The following GLIS3 variants were observed in gnomAD, a reference collection of about 807,000 sequenced individuals.
GLIS3 encodes the protein zinc finger protein GLIS3.
In GLIS3, 53 loss-of-function variants were observed where a neutral mutation model predicts 78.6. That is an observed-to-expected ratio of 0.67 (90% CI 0.54 to 0.85). The LOEUF (loss-of-function observed/expected upper bound fraction) is 0.85, where lower values mean the gene tolerates loss of function less well. Among genes scored for constraint, GLIS3 ranks in the 40% least tolerant of loss-of-function variants. GLIS3 has a pLI of 0.00. For synonymous variants in GLIS3, 684 were observed against 509.9 expected (o/e 1.34, Z -4.60); for missense variants, 1,703 against 1,231.1 (o/e 1.38, Z -5.74).
At chr9:4,448,416 C>T in the GLIS3 span, among the ~76,000 whole-genome samples, 3 of 152,200 alleles carry the variant, frequency 2.0e-5, no homozygotes, top group Admixed American at 1.3e-4. Context: ...TCCAGTATCT[C>T]CTGATGGCAG....
At chr9:4,040,408 C>G (rs1372202346) in intron 4 of GLIS3, among the ~76,000 whole-genome samples, 1 of 152,094 alleles carries the variant, frequency 6.6e-6, no homozygotes, top group East Asian at 1.9e-4. Context: ...TAAATTAACT[C>G]CCAAAGTCTC....
chr9:4,211,106 T>C (rs765120145), intron 2 of GLIS3, among the ~76,000 whole-genome samples: 2 of 152,198 alleles, frequency 1.3e-5, no homozygotes, highest in Non-Finnish European at 2.9e-5. Context: ...ATCTGCACCA[T>C]CCACACTCCA....
intron 2 of GLIS3, among the ~76,000 whole-genome samples, chr9:4,196,838 C>G (rs1352764670): frequency 6.6e-6 from 1 of 152,200 alleles, no homozygotes; most frequent in Non-Finnish European, 1.5e-5. Flanking sequence ...GATGTGCAAC[C>G]AAGTCCAGCT....
intron 8 of GLIS3, among the ~76,000 whole-genome samples, chr9:3,856,551 G>T (rs1819804518): frequency 6.6e-6 from 1 of 152,082 alleles, no homozygotes; most frequent in African/African-American, 2.4e-5. Context: ...GCATTTAAGG[G>T]GAAATTTGAT....
intron 2 of GLIS3, among the ~76,000 whole-genome samples, chr9:4,169,846 T>C (rs895617798): frequency 6.6e-6 from 1 of 152,148 alleles, no homozygotes; most frequent in Non-Finnish European, 1.5e-5. Flanking sequence ...GTTTTTTTTG[T>C]TGTCTGAAAT....
intron 2 of GLIS3, among the ~76,000 whole-genome samples, chr9:4,188,862 T>C (rs1053108128): frequency 6.6e-6 from 1 of 152,210 alleles, no homozygotes; most frequent in Non-Finnish European, 1.5e-5. Flanking sequence ...TTATTTTTTA[T>C]TGCATCTATT....
At chr9:4,481,040 G>C in the GLIS3 span, among the ~76,000 whole-genome samples, 1 of 152,060 alleles carries the variant, frequency 6.6e-6, no homozygotes, top group Non-Finnish European at 1.5e-5. Context: ...ATTTTTTGTA[G>C]AGACAGGGTT....
At chr9:4,159,300 C>G (rs1193163518) in intron 2 of GLIS3, among the ~76,000 whole-genome samples, 2 of 152,222 alleles carry the variant, frequency 1.3e-5, no homozygotes, top group African/African-American at 2.4e-5. Flanking sequence ...TTTGTACAAT[C>G]TCTGCCTTGT....
chr9:4,209,279 G>A (rs893435478), intron 2 of GLIS3, among the ~76,000 whole-genome samples: 4 of 152,140 alleles, frequency 2.6e-5, no homozygotes, highest in Admixed American at 2.0e-4. Context: ...GCTCCTTCCT[G>A]AAGATTTTCA....
At chr9:4,252,673 T>C (rs1462855967) in intron 2 of GLIS3, among the ~76,000 whole-genome samples, 1 of 152,128 alleles carries the variant, frequency 6.6e-6, no homozygotes, top group Admixed American at 6.6e-5. Context: ...TTGTGATCCT[T>C]TGGAGGAGAA....
intron 8 of GLIS3, among the ~76,000 whole-genome samples, chr9:3,873,031 A>AAT (rs1821066673): frequency 1.3e-5 from 2 of 152,204 alleles, no homozygotes. Flanking sequence ...ACCAAGACTG[A>AAT]ATAAGGAAGA....
intron 2 of GLIS3, among the ~76,000 whole-genome samples, chr9:4,245,690 G>A (rs1397159380): frequency 6.6e-6 from 1 of 152,090 alleles, no homozygotes; most frequent in Non-Finnish European, 1.5e-5. Flanking sequence ...TTGAGGTGAT[G>A]GATACGCTAA....
In GLIS3 at chr9:4,118,891, C is replaced by G; in HGVS notation, c.597-10G>C. On this transcript the variant is annotated splice_polypyrimidine_tract_variant and intron_variant, in intron 3 of 10. Transcript: ENST00000381971. The surrounding 1 kb of genome is among the most constrained non-coding windows in gnomAD (Gnocchi z 4.7). Reference sequence around the variant, plus strand: ...ACGCGAAATAAGGGACCTGGAACAGCAGCCAGAAAGGAAGAAAAAAAAAAG... The same window carrying G: ...ACGCGAAATAAGGGACCTGGAACAGGAGCCAGAAAGGAAGAAAAAAAAAAG... The G allele has an allele frequency of 6.3e-7, 1 of 1,599,756 alleles. No individual in the cohort carries two copies. The highest frequency in any genetic ancestry group is 8.5e-7 in the Non-Finnish European group (1 of 1,179,652).
chr9:4,125,622 G>GT, intron 3 of GLIS3, 112 bp downstream of exon 3: 1 of 784,420 alleles, frequency 1.3e-6, no homozygotes, highest in South Asian at 1.4e-5. Context: ...GCTTGAGTGT[G>GT]TAAGTGTATG....
the GLIS3 span, among the ~76,000 whole-genome samples, chr9:4,442,665 C>A: frequency 6.6e-6 from 1 of 151,648 alleles, no homozygotes; most frequent in African/African-American, 2.4e-5. Flanking sequence ...ATTTCAAAGT[C>A]TTGGTTAGAC....
intron 4 of GLIS3, among the ~76,000 whole-genome samples, chr9:3,966,687 A>G (rs1817958299): frequency 6.6e-6 from 1 of 151,610 alleles, no homozygotes; most frequent in Non-Finnish European, 1.5e-5. Flanking sequence ...CCAGCTACTC[A>G]GGAGGCTGAG....
chr9:4,280,318 G>C (rs1173417341), intron 2 of GLIS3, among the ~76,000 whole-genome samples: 2 of 152,204 alleles, frequency 1.3e-5, no homozygotes, highest in South Asian at 2.1e-4. Flanking sequence ...CCACATGCCA[G>C]CCTGGGCTGT....
chr9:4,143,808 G>C (rs1382683042), intron 2 of GLIS3, among the ~76,000 whole-genome samples: 1 of 152,142 alleles, frequency 6.6e-6, no homozygotes, highest in Non-Finnish European at 1.5e-5. Flanking sequence ...CCACACCTAA[G>C]TGAGATCAGC....
chr9:4,474,995 C>CTTTTT, the GLIS3 span, among the ~76,000 whole-genome samples: 1 of 81,398 alleles, frequency 1.2e-5, no homozygotes, highest in Non-Finnish European at 2.8e-5. Flanking sequence ...ATTTTTTTTT[C>CTTTTT]TTTTTTTTTT....
Sources: allele counts gnomAD v4.1 joint callset (sites outside exome capture counted in the v4.1 genomes callset), GRCh38; gene constraint gnomAD v4.1.1; non-coding constraint Gnocchi (gnomAD v3.1); transcripts MANE v1.5; gene names NCBI Gene and HGNC (gene_info 2026-07-23, HGNC 2026-07-21).